Variants in TBX4 observed in about 807,000 individuals in gnomAD.
TBX4 encodes the protein T-box transcription factor TBX4.
Under a neutral mutation model 54.6 loss-of-function variants are expected in TBX4, and 13 were observed. The ratio of observed to expected loss-of-function variants is 0.24; its 90% CI spans 0.15 to 0.38. TBX4 has a LOEUF of 0.38. Ranked by LOEUF, TBX4 falls within the 10% of genes least tolerant of loss-of-function variation. The pLI, the probability that TBX4 is intolerant of heterozygous loss-of-function variation, is 1.00. For missense variants in TBX4, 631 were observed against 728.5 expected (o/e 0.87, Z 1.54); for synonymous variants, 314 against 306.7 (o/e 1.02, Z -0.25).
At position 61,480,061 on chromosome 17, in the gene TBX4, C is replaced by A. The variant is rs1057452750; in HGVS notation, c.792-29C>A. Reference sequence around the variant, plus strand: ...CGATGTATCTTCACTCTCTTCCTGTCTCTCCTCCTGTCCTCCCCACCCCTT... The same window carrying A: ...CGATGTATCTTCACTCTCTTCCTGTATCTCCTCCTGTCCTCCCCACCCCTT... On this transcript the variant is annotated intron_variant, in intron 7 of 8. Transcript: ENST00000644296. This position sits in a 1 kb window ranked among gnomAD's most constrained non-coding sequence, Gnocchi z 6.2. 3.7e-6 allele frequency: 6 copies of A among 1,611,824 alleles called. No individual in the cohort carries two copies. The highest frequency in any genetic ancestry group is 5.1e-6 in the Non-Finnish European group (6 of 1,178,028).
At position 61,462,421 on chromosome 17, in the gene TBX4, A is replaced by G. The variant is rs2060501975; in HGVS notation, c.282-3398A>G. Among the ~76,000 whole-genome samples, 1 of 151,096 alleles carries G rather than the reference A, an allele frequency of 6.6e-6. No homozygotes were observed. The highest frequency in any genetic ancestry group is 1.5e-5 in the Non-Finnish European group (1 of 67,844). ...CGCGAGGGGAACTGGGGGAGCATGG[A>G]GAGGGCGCTTGGGGCGCGGAGAGAA... On this transcript the variant is annotated intron_variant, in intron 3 of 8. Coordinates refer to ENST00000644296, the MANE Select transcript of TBX4 (RefSeq NM_001321120.2). This position sits in a 1 kb window ranked among gnomAD's most constrained non-coding sequence, Gnocchi z 4.5.
Position 61,476,005 on chromosome 17 carries a change from G to A in TBX4, c.550-2622G>A, listed in dbSNP as rs1337792485. On this transcript the variant is annotated intron_variant, in intron 5 of 8. Coordinates refer to ENST00000644296, the MANE Select transcript of TBX4 (RefSeq NM_001321120.2). The surrounding 1 kb of genome is among the most constrained non-coding windows in gnomAD (Gnocchi z 6.5). ...ACCAGAGAGGAGGGGACTTGCCCAC[G>A]TTCCCACGGAGGGTTTGTGGTCGTG... 1.3e-5 allele frequency among the ~76,000 whole-genome samples: 2 copies of A among 152,146 alleles called. No individual in the cohort carries two copies. Among genetic ancestry groups the A allele is most frequent in the Admixed American group, 6.5e-5 (1 of 15,280 alleles).
intron 5 of TBX4, among the ~76,000 whole-genome samples, chr17:61,469,698 C>G (rs2060562336): frequency 6.6e-6 from 1 of 152,176 alleles, no homozygotes; most frequent in Admixed American, 6.5e-5. Flanking sequence ...TTTAGAGAAC[C>G]CTTGAAGAGG....
rs879061533 is a variant in TBX4, at chr17:61,483,613, A to T, written c.*97A>T. 2.9e-5 allele frequency: 23 copies of T among 782,840 alleles called. No homozygotes were observed. Among genetic ancestry groups the T allele is most frequent in the Middle Eastern group, 7.4e-4 (2 of 2,714 alleles). The allele number at this position is 782,840 out of a possible 1,614,324, so 48.5% of individuals were successfully genotyped here. On this transcript the variant is annotated 3_prime_UTR_variant, in exon 9 of 9. Transcript: ENST00000644296. The surrounding 1 kb of genome is among the most constrained non-coding windows in gnomAD (Gnocchi z 6.6). ...ACCAAGAAACACAGGAAGGTATTCCAGTGTGTGTGTGTGTGTGTGTGTGTG... is the reference window on the plus strand; with the variant it reads ...ACCAAGAAACACAGGAAGGTATTCCTGTGTGTGTGTGTGTGTGTGTGTGTG...
Position 61,462,418 on chromosome 17 carries a change from T to G in TBX4, c.282-3401T>G, listed in dbSNP as rs2143811404. ...CGGCGCGAGGGGAACTGGGGGAGCA[T>G]GGAGAGGGCGCTTGGGGCGCGGAGA... On this transcript the variant is annotated intron_variant, in intron 3 of 8. Coordinates refer to ENST00000644296, the MANE Select transcript of TBX4 (RefSeq NM_001321120.2). This position sits in a 1 kb window ranked among gnomAD's most constrained non-coding sequence, Gnocchi z 4.5. Among the ~76,000 whole-genome samples, 1 of 147,934 alleles carries G rather than the reference T, an allele frequency of 6.8e-6. No individual in the cohort carries two copies. Among genetic ancestry groups the G allele is most frequent in the South Asian group, 2.2e-4 (1 of 4,630 alleles).
At chr17:61,482,487 C>T (rs915962273) in intron 8 of TBX4, among the ~76,000 whole-genome samples, 2 of 152,254 alleles carry the variant, frequency 1.3e-5, no homozygotes, top group Non-Finnish European at 2.9e-5. Flanking sequence ...TTTCTGGCTA[C>T]TTCAGACAGA....
At chr17:61,458,154 T>G (rs1239091130) in intron 3 of TBX4, among the ~76,000 whole-genome samples, 1 of 151,808 alleles carries the variant, frequency 6.6e-6, no homozygotes, top group Non-Finnish European at 1.5e-5. Flanking sequence ...AGCACTACGT[T>G]GGGCTCCGTG....
In TBX4 at chr17:61,474,744, A is replaced by T. The variant is rs1039690756; in HGVS notation, c.550-3883A>T. Among the ~76,000 whole-genome samples the T allele has an allele frequency of 1.3e-5, 2 of 152,194 alleles. No individual in the cohort carries two copies. The highest frequency in any genetic ancestry group is 2.9e-5 in the Non-Finnish European group (2 of 68,036). On this transcript the variant is annotated intron_variant, in intron 5 of 8. Transcript: ENST00000644296. This position sits in a 1 kb window ranked among gnomAD's most constrained non-coding sequence, Gnocchi z 4.6. Reference sequence around the variant, plus strand: ...CCCCATATCCTCTGCAGCAAATATAAATGTGAAACTCTGGCAAAGTAGTTT... The same window carrying T: ...CCCCATATCCTCTGCAGCAAATATATATGTGAAACTCTGGCAAAGTAGTTT...
intron 1 of TBX4, among the ~76,000 whole-genome samples, chr17:61,455,038 C>T (rs963545947): frequency 6.6e-6 from 1 of 152,216 alleles, no homozygotes; most frequent in African/African-American, 2.4e-5. Flanking sequence ...TCGCACGTGG[C>T]CCGAGGCGGG....
Position 61,456,540 on chromosome 17 carries a change from C to A in TBX4, c.50C>A (p.Pro17Gln). 3 of 1,557,184 alleles carry A rather than the reference C, an allele frequency of 1.9e-6. No individual in the cohort carries two copies. Among genetic ancestry groups the A allele is most frequent in the South Asian group, 2.4e-5 (2 of 84,448 alleles). Residue 17 changes from proline to glutamine, a missense_variant, in exon 2 of 9, where the codon CCG becomes CAG. By Grantham distance (76) the Pro-to-Gln change is moderately conservative. Transcript: ENST00000644296. ...LSESEEAFRA[P>Q]GPALGEASAA... ...GAGAGCGAGGAGGCCTTCCGGGCCCCGGGCCCAGCGCTCGGAGAGGCCAGC... is the reference window on the plus strand; with the variant it reads ...GAGAGCGAGGAGGCCTTCCGGGCCCAGGGCCCAGCGCTCGGAGAGGCCAGC...
chr17:61,455,265 A>G (rs1327540866), intron 1 of TBX4, among the ~76,000 whole-genome samples: 1 of 152,196 alleles, frequency 6.6e-6, no homozygotes, highest in Non-Finnish European at 1.5e-5. Flanking sequence ...GATGGGCGAG[A>G]GGCCTGAGCC....
At position 61,465,119 on chromosome 17, in the gene TBX4, ATCCATGCCCTCTCTTATCCATGAGGC is replaced by A. The variant is rs1203501639; in HGVS notation, c.282-696_282-671del. 1.3e-5 allele frequency among the ~76,000 whole-genome samples: 2 copies of A among 152,170 alleles called. No individual in the cohort carries two copies. The highest frequency in any genetic ancestry group is 4.8e-5 in the African/African-American group (2 of 41,434). ...TGTGACCATGGCAGGTGGTTTCAGAATCCATGCCCTCTCTTATCCATGAGGCTCCTGGACCGACTTTCCCCTGATAC... is the reference window on the plus strand; with the variant it reads ...TGTGACCATGGCAGGTGGTTTCAGAATCCTGGACCGACTTTCCCCTGATAC... On this transcript the variant is annotated intron_variant, in intron 3 of 8. Coordinates refer to ENST00000644296, the MANE Select transcript of TBX4 (RefSeq NM_001321120.2). The surrounding 1 kb of genome is among the most constrained non-coding windows in gnomAD (Gnocchi z 4.9).
chr17:61,469,857 G>A (rs1323766936), intron 5 of TBX4, among the ~76,000 whole-genome samples: 7 of 152,312 alleles, frequency 4.6e-5, no homozygotes, highest in African/African-American at 1.7e-4. Context: ...ACCCTTCTTG[G>A]CTTCTCAGTG....
chr17:61,467,459 G>A, intron 4 of TBX4, 51 bp from the exon 5 acceptor site: 1 of 1,613,180 alleles, frequency 6.2e-7, no homozygotes, highest in Non-Finnish European at 8.5e-7. Context: ...GGGGAATCTG[G>A]CCTCACCAGC....
chr17:61,455,366 A>G (rs1213735841), intron 1 of TBX4, among the ~76,000 whole-genome samples: 1 of 152,212 alleles, frequency 6.6e-6, no homozygotes, highest in Non-Finnish European at 1.5e-5. Context: ...CGTCAGACCT[A>G]CAGAAAGCTC....
rs2060503367 is a variant in TBX4 at position 61,462,534 on chromosome 17, A to AT, written c.282-3284dup. On this transcript the variant is annotated intron_variant, in intron 3 of 8. Transcript: ENST00000644296. The surrounding 1 kb of genome is among the most constrained non-coding windows in gnomAD (Gnocchi z 4.5). ...TGGGAGCAGGGAGAGGGTAGGGGGC[A>AT]TAGGGAGAGGGTGCAGGGAGGGGAG... 1.4e-5 allele frequency among the ~76,000 whole-genome samples: 2 copies of AT among 145,544 alleles called. No individual in the cohort carries two copies. The highest frequency in any genetic ancestry group is 3.0e-5 in the Non-Finnish European group (2 of 66,272).
At chr17:61,468,957 G>A (rs991944089) in intron 5 of TBX4, among the ~76,000 whole-genome samples, 3 of 152,168 alleles carry the variant, frequency 2.0e-5, no homozygotes, top group Non-Finnish European at 2.9e-5. Flanking sequence ...AGCCTCAAAG[G>A]GTAGGGAGGG....
At chr17:61,471,193 C>A (rs1041459181) in intron 5 of TBX4, among the ~76,000 whole-genome samples, 1 of 152,200 alleles carries the variant, frequency 6.6e-6, no homozygotes, top group Admixed American at 6.5e-5. Context: ...GACTGCCACA[C>A]CCTTAGGCCT....
At chr17:61,473,417 G>A (rs1022089573) in intron 5 of TBX4, among the ~76,000 whole-genome samples, 2 of 152,256 alleles carry the variant, frequency 1.3e-5, no homozygotes, top group Non-Finnish European at 2.9e-5. Flanking sequence ...GTAAGTGCAT[G>A]AGAAACTCCT....
Sources: gnomAD v4.1 joint callset for allele counts (sites outside exome capture counted in the v4.1 genomes callset) on GRCh38, gnomAD v4.1.1 for gene constraint, Gnocchi (gnomAD v3.1) non-coding constraint, MANE v1.5 for transcripts, NCBI Gene and HGNC (gene_info 2026-07-23, HGNC 2026-07-21) for gene names.